Variants in OSCP1 observed in about 807,000 individuals in gnomAD.
OSCP1 encodes the protein organic solute carrier partner 1, also known as protein OSCP1.
Under a neutral mutation model 45.1 loss-of-function variants are expected in OSCP1, and 35 were observed. The observed-to-expected ratio is 0.78, with a 90% CI of 0.59 to 1.03. OSCP1 has a LOEUF of 1.03. Ranked by LOEUF, OSCP1 falls within the 50% of genes least tolerant of loss-of-function variation. The pLI, the probability that OSCP1 is intolerant of heterozygous loss-of-function variation, is 0.00. For missense variants in OSCP1, 400 were observed against 470.7 expected, an observed-to-expected ratio of 0.85 and a Z score of 1.39; for synonymous variants, 179 against 180.1, an observed-to-expected ratio of 0.99 and a Z score of 0.05.
At chr1:36,442,228 A>C (rs1380702792) in intron 1 of OSCP1, among the ~76,000 whole-genome samples, 1 of 144,086 alleles carries the variant, frequency 6.9e-6, no homozygotes, top group African/African-American at 2.5e-5. Context: ...CTCCGTCTCA[A>C]AAAAAAAAAA....
chr1:36,427,359 A>G (rs1164846269), intron 4 of OSCP1, among the ~76,000 whole-genome samples: 1 of 141,238 alleles, frequency 7.1e-6, no homozygotes, highest in Non-Finnish European at 1.5e-5. Flanking sequence ...TACAGTGAAC[A>G]TGATCATAGC....
chr1:36,426,108 A>G (rs1462309545), intron 4 of OSCP1, among the ~76,000 whole-genome samples: 1 of 152,188 alleles, frequency 6.6e-6, no homozygotes, highest in Non-Finnish European at 1.5e-5. Context: ...TAACCTCAAG[A>G]TTCTGTGACC....
chr1:36,419,491 AG>A (rs1306794765), intron 8 of OSCP1, among the ~76,000 whole-genome samples: 1 of 152,240 alleles, frequency 6.6e-6, no homozygotes, highest in African/African-American at 2.4e-5. Context: ...GACTTTACAT[AG>A]TACCTGTCAC....
At chr1:36,440,319 C>A (rs1227850480) in intron 1 of OSCP1, among the ~76,000 whole-genome samples, 2 of 152,114 alleles carry the variant, frequency 1.3e-5, no homozygotes, top group African/African-American at 2.4e-5. Context: ...GAAGGGGGAG[C>A]TGAGGGCTGG....
At chr1:36,428,202 A>AG in intron 4 of OSCP1, 2 of 1,335,374 alleles carry the variant, frequency 1.5e-6, no homozygotes, top group East Asian at 3.0e-5. Context: ...AAAAAAAAAA[A>AG]AAAAAAAAGA....
chr1:36,423,517 A>G, intron 4 of OSCP1, 51 bp from the exon 5 acceptor site: 2 of 1,418,148 alleles, frequency 1.4e-6, no homozygotes, highest in South Asian at 1.2e-5. Context: ...TTTCATAGAC[A>G]TCAATATTCT....
intron 2 of OSCP1, 36 bp downstream of exon 2, chr1:36,438,720 A>T (rs1386343748): frequency 6.4e-7 from 1 of 1,572,354 alleles, no homozygotes. Context: ...GGTACAAAAA[A>T]TGCAACCAAG....
chr1:36,424,411 CTT>C (rs1647842707), intron 4 of OSCP1, among the ~76,000 whole-genome samples: 1 of 152,190 alleles, frequency 6.6e-6, no homozygotes, highest in South Asian at 2.1e-4. Flanking sequence ...ACCCGTATGC[CTT>C]GGTTCCCTGC....
At chr1:36,434,749 C>CAAAAAA (rs71053933) in intron 2 of OSCP1, among the ~76,000 whole-genome samples, 1 of 69,842 alleles carries the variant, frequency 1.4e-5, no homozygotes, top group African/African-American at 5.3e-5. Flanking sequence ...GACTTTGTCT[C>CAAAAAA]AAAAAAAAAA....
chr1:36,425,569 C>T (rs1420800254), intron 4 of OSCP1, among the ~76,000 whole-genome samples: 1 of 151,754 alleles, frequency 6.6e-6, no homozygotes, highest in African/African-American at 2.4e-5. Context: ...CCTGTCTCTA[C>T]TAAAAATACA....
Position 36,422,817 on chromosome 1 carries a change from C to T in OSCP1, c.700G>A (p.Gly234Ser), listed in dbSNP as rs1647735366. ...CGGTCTCCATAAAGTTCAAAAGAAC[C>T]TTCTTTGGGTGCAGGGACATAGTTT... ...GGNYVPAPKE[G>S]SFELYGDRVL... The change falls in exon 6 of 10, where the codon GGT becomes AGT. Residue 234 changes from glycine (G) to serine (S), a missense_variant. By Grantham distance (56) the Gly-to-Ser change is moderately conservative. Coordinates refer to ENST00000235532, the MANE Select transcript of OSCP1 (RefSeq NM_145047.5). 5.0e-6 allele frequency: 8 copies of T among 1,607,486 alleles called. No individual in the cohort carries two copies. Among genetic ancestry groups the T allele is most frequent in the Non-Finnish European group, 6.8e-6 (8 of 1,176,428 alleles).
chr1:36,432,646 A>C (rs1484195588), intron 2 of OSCP1, 57 bp from the exon 3 acceptor site: 3 of 1,602,072 alleles, frequency 1.9e-6, no homozygotes, highest in Non-Finnish European at 1.7e-6. Flanking sequence ...AGGTGTGAGA[A>C]TCTCCAAACA....
intron 2 of OSCP1, among the ~76,000 whole-genome samples, chr1:36,434,429 A>G (rs911813396): frequency 6.6e-6 from 1 of 152,146 alleles, no homozygotes; most frequent in African/African-American, 2.4e-5. Flanking sequence ...CTGCAGCCAA[A>G]CATTTCCACT....
chr1:36,423,828 C>T (rs1238327069), intron 4 of OSCP1, among the ~76,000 whole-genome samples: 1 of 151,614 alleles, frequency 6.6e-6, no homozygotes, highest in Non-Finnish European at 1.5e-5. Flanking sequence ...GAGCCAAGAT[C>T]GTGCCATTGC....
chr1:36,434,954 G>A lies in OSCP1; in HGVS notation c.268-2365C>T, dbSNP rs367748089. Among the ~76,000 whole-genome samples, 31 of 152,132 alleles carry A rather than the reference G, an allele frequency of 2.0e-4. No homozygotes were observed. The East Asian group carries it at 4.8e-3, about 24-fold the overall frequency. ...ACAGGTATAAGATGAAGGAATGCCA[G>A]TTCAGAGTAATTCAGTAAATTGGGT... On this transcript the variant is annotated intron_variant, in intron 2 of 9. Transcript: ENST00000235532.
rs182282224 is a variant in OSCP1 at position 36,436,562 on chromosome 1, A to G, written c.267+2194T>C. ...GGTCTTTTAAAATTTTTTTGTAGAG[A>G]TTTGGTCTTGCTGTGTTGCCCAAGC... On this transcript the variant is annotated intron_variant, in intron 2 of 9. Transcript: ENST00000235532. Among the ~76,000 whole-genome samples the G allele has an allele frequency of 7.9e-5, 12 of 152,204 alleles. No individual in the cohort carries two copies. The East Asian group carries it at 2.3e-3, about 29-fold the overall frequency.
rs16822954 is a variant in OSCP1 at position 36,423,404 on chromosome 1, G to A, written c.579C>T (p.Ser193=). 0.1 allele frequency: 163,958 copies of A among 1,612,942 alleles called. 9,269 individuals are homozygous for A. The highest frequency in any genetic ancestry group is 0.26 in the East Asian group (11,743 of 44,848). Residue 193 remains serine (S), a synonymous_variant, in exon 5 of 10, where the codon TCC becomes TCT. Transcript: ENST00000235532. ...NNNGRFVLPV[S]GPVPWGTEVP... Reference sequence around the variant, plus strand: ...CTTCAGTTCCCCAAGGAACAGGCCCGGACACCGGCAACACAAAGCGACCGT... The same window carrying A: ...CTTCAGTTCCCCAAGGAACAGGCCCAGACACCGGCAACACAAAGCGACCGT...
chr1:36,426,819 C>T (rs1647991018), intron 4 of OSCP1, among the ~76,000 whole-genome samples: 1 of 152,166 alleles, frequency 6.6e-6, no homozygotes, highest in Non-Finnish European at 1.5e-5. Flanking sequence ...GATTCTCCTA[C>T]CTCAGCCTCC....
At position 36,444,840 on chromosome 1, in the gene OSCP1, T is replaced by C. The variant is rs953518; in HGVS notation, c.112+5418A>G. Among the ~76,000 whole-genome samples, 14 of 152,202 alleles carry C rather than the reference T, an allele frequency of 9.2e-5. 1 individual carries two copies. Among genetic ancestry groups the C allele is most frequent in the Non-Finnish European group, 1.8e-4 (12 of 68,036 alleles). On this transcript the variant is annotated intron_variant, in intron 1 of 9. Coordinates refer to ENST00000235532, the MANE Select transcript of OSCP1 (RefSeq NM_145047.5). Reference sequence around the variant, plus strand: ...TTCCTTCGTAAAATAGGGATCATAATAGCACCTATCTTACAGGCCTATTGT... The same window carrying C: ...TTCCTTCGTAAAATAGGGATCATAACAGCACCTATCTTACAGGCCTATTGT...
Sources: gnomAD v4.1 joint callset for allele counts (sites outside exome capture counted in the v4.1 genomes callset) on GRCh38, gnomAD v4.1.1 for gene constraint, MANE v1.5 for transcripts, NCBI Gene and HGNC (gene_info 2026-07-23, HGNC 2026-07-21) for gene names.